SLC9D1: variants seen among roughly 807,000 people sequenced by gnomAD.
The protein encoded by SLC9D1 is putative LAG1-interacting protein.
the SLC9D1 span, chr13:113,491,232 G>C: frequency 6.6e-6 from 1 of 152,340 alleles, no homozygotes; most frequent in African/African-American, 2.4e-5. Flanking sequence ...GCGGAACGGT[G>C]ATGCTCGGGC....
the SLC9D1 span, chr13:113,495,942 C>G: frequency 6.2e-7 from 1 of 1,613,970 alleles, no homozygotes; most frequent in African/African-American, 1.3e-5. Flanking sequence ...GCAGAGAGCC[C>G]TGCAGGGGGA....
At chr13:113,500,685 C>T in the SLC9D1 span, among the ~76,000 whole-genome samples, 1 of 152,130 alleles carries the variant, frequency 6.6e-6, no homozygotes, top group Non-Finnish European at 1.5e-5. Context: ...GGGAGTGGCA[C>T]GACCATGACA....
At chr13:113,548,245 G>A in the SLC9D1 span, 243,301 of 1,586,406 alleles carry the variant, frequency 0.15, 21,104 homozygotes, top group Admixed American at 0.35. Flanking sequence ...TGTTTCGTGT[G>A]TGTTTAACTC....
chr13:113,540,154 G>A, the SLC9D1 span, among the ~76,000 whole-genome samples: 1 of 152,136 alleles, frequency 6.6e-6, no homozygotes, highest in Non-Finnish European at 1.5e-5. Flanking sequence ...TCACAATCTG[G>A]GCCGATTCTG....
the SLC9D1 span, among the ~76,000 whole-genome samples, chr13:113,535,996 G>T: frequency 6.6e-6 from 1 of 152,206 alleles, no homozygotes; most frequent in Non-Finnish European, 1.5e-5. This position sits in a 1 kb window ranked among gnomAD's most constrained non-coding sequence, Gnocchi z 4.1. Flanking sequence ...CTGTAATTTG[G>T]CAAGATGTTA....
chr13:113,545,217 A>G, the SLC9D1 span, among the ~76,000 whole-genome samples: 1 of 152,158 alleles, frequency 6.6e-6, no homozygotes, highest in Non-Finnish European at 1.5e-5. Context: ...CATACCTCAC[A>G]TGGCAAATTT....
chr13:113,511,082 C>T, the SLC9D1 span, among the ~76,000 whole-genome samples: 8 of 150,862 alleles, frequency 5.3e-5, no homozygotes, highest in Non-Finnish European at 1.2e-4. Flanking sequence ...GGACCGTGTC[C>T]CTGTGCGGGG....
At chr13:113,543,602 C>T in the SLC9D1 span, among the ~76,000 whole-genome samples, 4 of 136,656 alleles carry the variant, frequency 2.9e-5, no homozygotes, top group African/African-American at 1.1e-4. Flanking sequence ...TCCTGATCTT[C>T]CTTTCACTTC....
chr13:113,502,072 C>T, the SLC9D1 span, among the ~76,000 whole-genome samples: 236 of 152,288 alleles, frequency 1.5e-3, 1 homozygote, highest in African/African-American at 5.1e-3. Flanking sequence ...AGTGAAGGGG[C>T]GGTGTTACTG....
the SLC9D1 span, among the ~76,000 whole-genome samples, chr13:113,541,576 T>C: frequency 7.2e-6 from 1 of 139,188 alleles, no homozygotes; most frequent in Non-Finnish European, 1.6e-5. Context: ...TGCACACGAT[T>C]GCTGATGACT....
At chr13:113,525,378 C>T in the SLC9D1 span, among the ~76,000 whole-genome samples, 2 of 152,230 alleles carry the variant, frequency 1.3e-5, no homozygotes, top group Non-Finnish European at 2.9e-5. Flanking sequence ...AAGGCTCACA[C>T]ACCCAATTAG....
chr13:113,547,162 G>A, the SLC9D1 span: 1 of 698,936 alleles, frequency 1.4e-6, no homozygotes, highest in Admixed American at 2.4e-5. Context: ...ATTTGCTGTT[G>A]CTTTCACACG....
At chr13:113,544,141 G>T in the SLC9D1 span, among the ~76,000 whole-genome samples, 1 of 152,218 alleles carries the variant, frequency 6.6e-6, no homozygotes, top group Admixed American at 6.5e-5. Flanking sequence ...CGGTGCAGCC[G>T]CAGAGACTCC....
chr13:113,501,841 T>C, the SLC9D1 span: 2 of 1,612,016 alleles, frequency 1.2e-6, no homozygotes, highest in Non-Finnish European at 1.7e-6. Flanking sequence ...ATATTATTTG[T>C]GGTGTACTTC....
the SLC9D1 span, chr13:113,503,368 TGTG>T: frequency 9.7e-6 from 6 of 619,696 alleles, no homozygotes; most frequent in South Asian, 1.2e-4. Flanking sequence ...TGTGTGTGTG[TGTG>T]TGTGTGTGTG....
chr13:113,502,019 T>A, the SLC9D1 span: 1 of 693,644 alleles, frequency 1.4e-6, no homozygotes, highest in Non-Finnish European at 2.3e-6. Flanking sequence ...CTTTCAGGTG[T>A]CACGGGAAGT....
At chr13:113,515,493 G>A in the SLC9D1 span, among the ~76,000 whole-genome samples, 1 of 152,198 alleles carries the variant, frequency 6.6e-6, no homozygotes. Context: ...GCAGTCGGCT[G>A]CTTGTGACAT....
At chr13:113,549,261 C>G in the SLC9D1 span, among the ~76,000 whole-genome samples, 5 of 151,338 alleles carry the variant, frequency 3.3e-5, no homozygotes, top group African/African-American at 4.9e-5. Flanking sequence ...CCCCCACCCC[C>G]CCGTGCAGGC....
At chr13:113,520,185 C>G in the SLC9D1 span, among the ~76,000 whole-genome samples, 1 of 152,140 alleles carries the variant, frequency 6.6e-6, no homozygotes, top group Non-Finnish European at 1.5e-5. Context: ...AAAGTCTATT[C>G]TTAAAAATGT....
Sources: gnomAD v4.1 joint callset for allele counts (sites outside exome capture counted in the v4.1 genomes callset) on GRCh38, gnomAD v4.1.1 for gene constraint, Gnocchi (gnomAD v3.1) non-coding constraint, MANE v1.5 for transcripts, NCBI Gene and HGNC (gene_info 2026-07-23, HGNC 2026-07-21) for gene names.